DSCAM: variants seen among roughly 807,000 people sequenced by gnomAD.
DSCAM encodes cell adhesion molecule DSCAM.
Under a neutral mutation model 217.7 loss-of-function variants are expected in DSCAM, and 47 were observed. The ratio of observed to expected loss-of-function variants is 0.22; its 90% confidence interval spans 0.17 to 0.28. The LOEUF is 0.28. DSCAM is among the 10% of genes least tolerant of loss of function. The pLI, the probability that DSCAM is intolerant of heterozygous loss-of-function variation, is 1.00. For synonymous variants in DSCAM, 1,056 were observed against 1,015.3 expected (o/e 1.04, Z -0.76); for missense variants, 2,080 against 2,618.3 (o/e 0.79, Z 4.49).
intron 3 of DSCAM, among the ~76,000 whole-genome samples, chr21:40,659,014 CT>C (rs1568967961): frequency 1.3e-5 from 2 of 152,108 alleles, no homozygotes; most frequent in Non-Finnish European, 2.9e-5. Context: ...AACTTGAGCT[CT>C]TAAGTGCTTC....
chr21:40,665,168 C>T (rs771840640), intron 3 of DSCAM, among the ~76,000 whole-genome samples: 8 of 152,216 alleles, frequency 5.3e-5, no homozygotes, highest in Non-Finnish European at 7.4e-5. Context: ...AATAAAGGAA[C>T]GGCAGAATTT....
chr21:40,808,865 T>G (rs1284583624), intron 1 of DSCAM, among the ~76,000 whole-genome samples: 1 of 152,146 alleles, frequency 6.6e-6, no homozygotes, highest in Non-Finnish European at 1.5e-5. Context: ...CAAACGCCAT[T>G]TGCAGATGAG....
At chr21:40,436,559 GTC>G (rs2075584456) in intron 3 of DSCAM, among the ~76,000 whole-genome samples, 1 of 152,140 alleles carries the variant, frequency 6.6e-6, no homozygotes, top group Non-Finnish European at 1.5e-5. Context: ...CACTGAGTTT[GTC>G]TCTTATTGAC....
At chr21:40,437,811 C>A (rs1260701016) in intron 3 of DSCAM, among the ~76,000 whole-genome samples, 2 of 152,132 alleles carry the variant, frequency 1.3e-5, no homozygotes, top group Non-Finnish European at 2.9e-5. Flanking sequence ...GATCCTGCCA[C>A]TGCACTCCAA....
At chr21:40,554,134 G>A (rs766288693) in intron 3 of DSCAM, among the ~76,000 whole-genome samples, 104 of 150,938 alleles carry the variant, frequency 6.9e-4, no homozygotes, top group South Asian at 1.7e-3. Flanking sequence ...AGTGTCCTTA[G>A]TAGCCAGTAG....
chr21:40,635,459 TAAGAA>T (rs2089744931), intron 3 of DSCAM, among the ~76,000 whole-genome samples: 1 of 152,046 alleles, frequency 6.6e-6, no homozygotes, highest in Non-Finnish European at 1.5e-5. Context: ...ATAATCTAGT[TAAGAA>T]AGAAAGAGAG....
intron 3 of DSCAM, among the ~76,000 whole-genome samples, chr21:40,484,560 C>A (rs2076009001): frequency 6.6e-6 from 1 of 152,168 alleles, no homozygotes; most frequent in South Asian, 2.1e-4. Context: ...CAATGTTCAT[C>A]TGCTATTTGT....
At chr21:40,078,181 T>C (rs550981599) in intron 26 of DSCAM, among the ~76,000 whole-genome samples, 7 of 152,364 alleles carry the variant, frequency 4.6e-5, no homozygotes, top group East Asian at 1.9e-4. Flanking sequence ...CACGTGTTCA[T>C]GGATTCCTAT....
intron 11 of DSCAM, among the ~76,000 whole-genome samples, chr21:40,271,407 G>T (rs1247087714): frequency 6.6e-6 from 1 of 152,170 alleles, no homozygotes; most frequent in Non-Finnish European, 1.5e-5. Context: ...TTCACTGTGG[G>T]CCACAGGTTC....
At chr21:40,371,175 A>G (rs367845896) in intron 3 of DSCAM, among the ~76,000 whole-genome samples, 1 of 152,322 alleles carries the variant, frequency 6.6e-6, no homozygotes, top group African/African-American at 2.4e-5. Flanking sequence ...AATGCTAGCT[A>G]TTAGAGAAGC....
rs73903014 is a variant in DSCAM at position 40,776,540 on chromosome 21, G to A, written c.44-67769C>T. 4.1e-3 allele frequency among the ~76,000 whole-genome samples: 624 copies of A among 152,232 alleles called. 4 individuals are homozygous for A. The highest frequency in any genetic ancestry group is 0.014 in the African/African-American group (589 of 41,518). On this transcript the variant is annotated intron_variant, in intron 1 of 32. Coordinates refer to ENST00000400454, the MANE Select transcript of DSCAM (RefSeq NM_001389.5). The stretch of plus-strand genomic sequence containing the variant: ...GCAGTTGTGGAGCAGGGGTTGTGAG[G>A]GCCAGAGGAAGGAGAAAGGCCCTGC...
At chr21:40,374,851 G>A (rs143152552) in intron 3 of DSCAM, among the ~76,000 whole-genome samples, 1 of 152,268 alleles carries the variant, frequency 6.6e-6, no homozygotes, top group Non-Finnish European at 1.5e-5. Flanking sequence ...CCAATACCTT[G>A]ATCTTGGACT....
intron 11 of DSCAM, among the ~76,000 whole-genome samples, chr21:40,249,888 C>T (rs145993554): frequency 3.7e-4 from 57 of 152,218 alleles, no homozygotes; most frequent in East Asian, 1.9e-3. Flanking sequence ...AAGGAAGAGG[C>T]CTCAAGGTAT....
rs539435562 is a variant in DSCAM at position 40,430,789 on chromosome 21, A to G, written c.509-61544T>C. On this transcript the variant is annotated intron_variant, in intron 3 of 32. Coordinates refer to ENST00000400454, the MANE Select transcript of DSCAM (RefSeq NM_001389.5). ...CGCCTCTTTGGGCCTCATTGTCACA[A>G]TCTGTAAACAGAGGTTTTGGGAAAG... Among the ~76,000 whole-genome samples the G allele has an allele frequency of 6.6e-5, 10 of 152,278 alleles. No individual in the cohort carries two copies. In the South Asian group the frequency reaches 2.1e-3, roughly 32 times the overall value.
At chr21:40,671,222 G>T (rs1449025697) in intron 3 of DSCAM, among the ~76,000 whole-genome samples, 2 of 152,132 alleles carry the variant, frequency 1.3e-5, no homozygotes, top group East Asian at 3.9e-4. Context: ...TCCATGCACA[G>T]TTTTAAATAA....
At chr21:40,605,614 C>CA (rs35238770) in intron 3 of DSCAM, among the ~76,000 whole-genome samples, 1 of 151,808 alleles carries the variant, frequency 6.6e-6, no homozygotes, top group African/African-American at 2.4e-5. Flanking sequence ...GCTTCATTTA[C>CA]AAAAAAAGGG....
intron 1 of DSCAM, among the ~76,000 whole-genome samples, chr21:40,709,594 C>A (rs9754270): frequency 3.4e-4 from 52 of 151,852 alleles, no homozygotes; most frequent in Non-Finnish European, 6.5e-4. Flanking sequence ...GCGGTGTTTG[C>A]TTTTCTGTTC....
At chr21:40,615,644 T>C (rs7278355) in intron 3 of DSCAM, among the ~76,000 whole-genome samples, 40 of 152,246 alleles carry the variant, frequency 2.6e-4, no homozygotes, top group Middle Eastern at 3.4e-3. Context: ...GCTGCATTCA[T>C]TTCAAACCTA....
intron 6 of DSCAM, among the ~76,000 whole-genome samples, chr21:40,346,674 T>A (rs1569076454): frequency 6.6e-6 from 1 of 151,854 alleles, no homozygotes; most frequent in African/African-American, 2.4e-5. Context: ...AGTAACCAGT[T>A]AAAAAAAAGC....
Sources: gnomAD v4.1 joint callset for allele counts (sites outside exome capture counted in the v4.1 genomes callset) on GRCh38, gnomAD v4.1.1 for gene constraint, MANE v1.5 for transcripts, NCBI Gene and HGNC (gene_info 2026-07-23, HGNC 2026-07-21) for gene names.